GPHN: variants seen among roughly 807,000 people sequenced by gnomAD.
GPHN encodes the protein gephyrin.
In GPHN, 17 loss-of-function variants were observed where a neutral mutation model predicts 95.5. The ratio of observed to expected loss-of-function variants is 0.18; its 90% CI spans 0.12 to 0.27. The LOEUF (loss-of-function observed/expected upper bound fraction) is 0.27, where lower values mean the gene tolerates loss of function less well. GPHN is among the 10% of genes least tolerant of loss of function. GPHN has a pLI of 1.00. For missense variants in GPHN, 660 were observed against 978.1 expected (o/e 0.67, Z 4.34); for synonymous variants, 320 against 322.5 (o/e 0.99, Z 0.08).
intron 11 of GPHN, among the ~76,000 whole-genome samples, chr14:67,064,875 A>C (rs1255590650): frequency 6.6e-6 from 1 of 152,086 alleles, no homozygotes; most frequent in Non-Finnish European, 1.5e-5. Context: ...CGATCCTTTC[A>C]AAAACCAGCT....
intron 1 of GPHN, among the ~76,000 whole-genome samples, chr14:66,571,661 AT>A: frequency 6.6e-6 from 1 of 152,236 alleles, no homozygotes; most frequent in South Asian, 2.1e-4. Flanking sequence ...AAATATAAAA[AT>A]TAGCCAGGCG....
the GPHN span, among the ~76,000 whole-genome samples, chr14:67,314,113 T>C: frequency 5.3e-5 from 8 of 152,154 alleles, no homozygotes; most frequent in Non-Finnish European, 1.0e-4. Flanking sequence ...CACCAGAAGA[T>C]TTTAAGCATA....
chr14:67,338,898 C>A, the GPHN span: 4 of 653,516 alleles, frequency 6.1e-6, no homozygotes, highest in Non-Finnish European at 4.6e-6. Context: ...ATTTCATTTT[C>A]AGTAATTTAT....
chr14:66,916,096 T>A, intron 6 of GPHN, 27 bp downstream of exon 6: 1 of 1,440,948 alleles, frequency 6.9e-7, no homozygotes, highest in African/African-American at 1.4e-5. Context: ...TATTAATGGT[T>A]TAGTGTAAGA....
chr14:66,774,084 A>G (rs1295736082), intron 2 of GPHN, among the ~76,000 whole-genome samples: 1 of 135,810 alleles, frequency 7.4e-6, no homozygotes, highest in Non-Finnish European at 1.5e-5. Flanking sequence ...GCTCACTGCA[A>G]CTCCGCCTCC....
chr14:66,525,266 AT>A (rs1487609243), intron 1 of GPHN, among the ~76,000 whole-genome samples: 1 of 152,024 alleles, frequency 6.6e-6, no homozygotes, highest in African/African-American at 2.4e-5. Flanking sequence ...GCTTTTTTTC[AT>A]ATGTGTGTTG....
At chr14:66,850,420 C>T (rs561004019) in intron 4 of GPHN, among the ~76,000 whole-genome samples, 1 of 152,230 alleles carries the variant, frequency 6.6e-6, no homozygotes, top group Middle Eastern at 3.4e-3. Flanking sequence ...CTTAAGCATT[C>T]AAGAGAACCT....
intron 1 of GPHN, among the ~76,000 whole-genome samples, chr14:66,590,782 G>A (rs2061607760): frequency 6.6e-6 from 1 of 152,134 alleles, no homozygotes; most frequent in Non-Finnish European, 1.5e-5. Context: ...GAAAGAGAAG[G>A]AATCCTCCCT....
At chr14:67,525,565 G>A in the GPHN span, among the ~76,000 whole-genome samples, 1 of 152,190 alleles carries the variant, frequency 6.6e-6, no homozygotes, top group South Asian at 2.1e-4. Flanking sequence ...TGTAGCTGAA[G>A]AAAGGACGCA....
chr14:67,163,025 G>T (rs2082056497), intron 19 of GPHN, among the ~76,000 whole-genome samples: 1 of 152,130 alleles, frequency 6.6e-6, no homozygotes, highest in Admixed American at 6.5e-5. Context: ...AGATATTTTA[G>T]CCAGGCCCAG....
the GPHN span, among the ~76,000 whole-genome samples, chr14:67,457,786 C>G: frequency 8.7e-4 from 132 of 152,334 alleles, no homozygotes; most frequent in Non-Finnish European, 1.6e-3. Context: ...TTGGAAAAGT[C>G]CAGCCAGTGG....
the GPHN span, among the ~76,000 whole-genome samples, chr14:67,605,692 AT>A: frequency 2.6e-4 from 39 of 151,588 alleles, no homozygotes; most frequent in African/African-American, 7.5e-4. Flanking sequence ...TCTCATATTA[AT>A]TTTTTTTTAT....
intron 4 of GPHN, among the ~76,000 whole-genome samples, chr14:66,870,681 G>A (rs774357898): frequency 6.6e-6 from 1 of 152,174 alleles, no homozygotes; most frequent in South Asian, 2.1e-4. Flanking sequence ...TGAAACTAAA[G>A]TTGTGTTCAG....
chr14:67,613,624 G>A, the GPHN span: 1 of 221,156 alleles, frequency 4.5e-6, no homozygotes, highest in South Asian at 8.3e-5. Flanking sequence ...ACTGCAGGAA[G>A]TTTATCTGGG....
Position 66,672,429 on chromosome 14 carries a change from T to C in GPHN, c.65-8678T>C, listed in dbSNP as rs1399845133. Among the ~76,000 whole-genome samples the C allele has an allele frequency of 5.3e-5, 8 of 152,324 alleles. No homozygotes were observed. In the South Asian group the frequency reaches 1.0e-3, roughly 20 times the overall value. ...ATAGATGAGAGTATATCAAATTGAT[T>C]ATTAGTGCTGTTGAATTCAGCTATA... On this transcript the variant is annotated intron_variant, in intron 1 of 22. Coordinates refer to ENST00000478722, the MANE Select transcript of GPHN (RefSeq NM_020806.5).
rs767272331 is a variant in GPHN, at chr14:66,880,013, A to G, written c.369A>G (p.Thr123=). The stretch of plus-strand genomic sequence containing the variant: ...TGCTGATGGGATCACTTAATGTTAC[A>G]CCTCTGGGCATGCTCTCTAGGTAAG... ...LAMLMGSLNV[T]PLGMLSRPVC... The change falls in exon 5 of 23, where the codon ACA becomes ACG. Residue 123 remains threonine, a synonymous_variant. Coordinates refer to ENST00000478722, the MANE Select transcript of GPHN (RefSeq NM_020806.5). 7.9e-5 allele frequency: 126 copies of G among 1,604,870 alleles called. No homozygotes were observed. Among genetic ancestry groups the G allele is most frequent in the Non-Finnish European group, 9.8e-5 (115 of 1,172,260 alleles).
chr14:67,155,584 T>C (rs1474710517), intron 18 of GPHN, among the ~76,000 whole-genome samples: 1 of 152,084 alleles, frequency 6.6e-6, no homozygotes, highest in Admixed American at 6.5e-5. Flanking sequence ...AAGAATCAAA[T>C]TGAAATTTTG....
intron 18 of GPHN, among the ~76,000 whole-genome samples, chr14:67,158,459 C>G (rs566826981): frequency 6.6e-6 from 1 of 152,118 alleles, no homozygotes; most frequent in South Asian, 2.1e-4. Context: ...GCAAGGAGAC[C>G]TATTTCAGCA....
At chr14:67,243,177 A>G in the GPHN span, among the ~76,000 whole-genome samples, 3 of 152,004 alleles carry the variant, frequency 2.0e-5, no homozygotes, top group Non-Finnish European at 4.4e-5. Flanking sequence ...GCTTATATAG[A>G]ATATAATTGT....
Sources: gnomAD v4.1 joint callset for allele counts (sites outside exome capture counted in the v4.1 genomes callset) on GRCh38, gnomAD v4.1.1 for gene constraint, MANE v1.5 for transcripts, NCBI Gene and HGNC (gene_info 2026-07-23, HGNC 2026-07-21) for gene names.